Variants in DNAH9 observed in about 807,000 individuals in gnomAD.
DNAH9 encodes the protein DNAH9 variant protein.
DNAH9 carries 345 observed loss-of-function variants against 471.6 expected under a neutral mutation model. That is an observed-to-expected ratio of 0.73 (90% confidence interval 0.67 to 0.80). The LOEUF is 0.80. Among genes scored for constraint, DNAH9 ranks in the 30% least tolerant of loss-of-function variants. The probability of loss-of-function intolerance (pLI) is 0.00; values close to 1 mark genes in which losing one functional copy is unlikely to be tolerated. For synonymous variants in DNAH9, 2,093 were observed against 2,123.6 expected (o/e 0.99, Z 0.40); for missense variants, 5,407 against 5,609.2 (o/e 0.96, Z 1.15).
chr17:11,654,377 A>AAAAAAAAAAAAAAAG lies in DNAH9; in HGVS notation c.2595+1376_2595+1377insAAAAAAAAAAAAAGA, dbSNP rs2073589403. On this transcript the variant is annotated intron_variant, in intron 14 of 68. Coordinates refer to ENST00000262442, the MANE Select transcript of DNAH9 (RefSeq NM_001372.4). ...TCTCAAAAAAAAAAAAAAAAAAAAAAAGTTTAAAATCGATCTATCATCCAT... is the reference window on the plus strand; with the variant it reads ...TCTCAAAAAAAAAAAAAAAAAAAAAAAAAAAAAAAAAAAAGAGTTTAAAATCGATCTATCATCCAT... Among the ~76,000 whole-genome samples the AAAAAAAAAAAAAAAG allele has an allele frequency of 1.4e-5, 2 of 143,166 alleles. 1 individual carries two copies. The highest frequency in any genetic ancestry group is 3.1e-5 in the Non-Finnish European group (2 of 65,484). The allele number at this position is 143,166 out of a possible 152,430, so 93.9% of individuals were successfully genotyped here.
intron 38 of DNAH9, among the ~76,000 whole-genome samples, chr17:11,774,641 G>C (rs1008045278): frequency 2.1e-4 from 32 of 152,166 alleles, no homozygotes; most frequent in African/African-American, 7.5e-4. Context: ...GGTAGGACAC[G>C]TAGGGATTAT....
chr17:11,727,786 T>C (rs374978682), intron 27 of DNAH9, 32 bp from the exon 28 acceptor site: 9 of 1,467,792 alleles, frequency 6.1e-6, no homozygotes, highest in Non-Finnish European at 8.6e-6. Context: ...CCTGGCCCGT[T>C]GGTAATTTAA....
intron 44 of DNAH9, 86 bp downstream of exon 44, chr17:11,807,980 C>G: frequency 1.4e-6 from 2 of 1,418,996 alleles, no homozygotes; most frequent in Non-Finnish European, 1.9e-6. Flanking sequence ...TTCTCCAGTT[C>G]CCCTGTCTGG....
At chr17:11,645,835 G>A (rs1001159266) in intron 11 of DNAH9, among the ~76,000 whole-genome samples, 2 of 149,342 alleles carry the variant, frequency 1.3e-5, no homozygotes, top group African/African-American at 2.5e-5. Flanking sequence ...TTCCACCTCT[G>A]CTATTAGGTG....
At chr17:11,679,499 C>T (rs2074098539) in intron 17 of DNAH9, among the ~76,000 whole-genome samples, 1 of 152,242 alleles carries the variant, frequency 6.6e-6, no homozygotes, top group South Asian at 2.1e-4. Flanking sequence ...TCACACATTA[C>T]ATTTAGATGT....
chr17:11,611,811 G>T, intron 4 of DNAH9, 31 bp downstream of exon 4: 4 of 1,612,052 alleles, frequency 2.5e-6, no homozygotes, highest in Non-Finnish European at 3.4e-6. Context: ...TCACAAATGT[G>T]TTTGACTCAA....
At chr17:11,926,083 C>T (rs920135711) in intron 62 of DNAH9, among the ~76,000 whole-genome samples, 4 of 121,676 alleles carry the variant, frequency 3.3e-5, no homozygotes, top group Admixed American at 1.9e-4. Context: ...GAGGAATACA[C>T]TTAACAAATT....
chr17:11,735,371 A>G (rs966021196), intron 28 of DNAH9, among the ~76,000 whole-genome samples: 4 of 152,058 alleles, frequency 2.6e-5, no homozygotes, highest in African/African-American at 9.7e-5. Flanking sequence ...TTGCAAACTC[A>G]TTCCCAGTTG....
chr17:11,644,580 TACTTTA>T (rs2073343526), intron 10 of DNAH9, 45 bp from the exon 11 acceptor site: 3 of 1,354,854 alleles, frequency 2.2e-6, no homozygotes, highest in South Asian at 1.2e-5. Flanking sequence ...CTCGGATTAT[TACTTTA>T]ACTTCTTCTA....
chr17:11,651,022 T>C (rs1419625498), intron 12 of DNAH9, 47 bp from the exon 13 acceptor site: 6 of 1,588,146 alleles, frequency 3.8e-6, no homozygotes, highest in Middle Eastern at 1.9e-4. Context: ...CTGCAGATTA[T>C]TCATTATCAC....
Position 11,952,139 on chromosome 17 carries a change from CTTTT to C in DNAH9, c.12843+9671_12843+9674del, listed in dbSNP as rs71142258. On this transcript the variant is annotated intron_variant, in intron 67 of 68. Coordinates refer to ENST00000262442, the MANE Select transcript of DNAH9 (RefSeq NM_001372.4). ...GTATGTTTTTGCCAAAGCTATATTA[CTTTT>C]TTTTTTTTTTTTTTTTGACAGAGTC... Among the ~76,000 whole-genome samples the C allele has an allele frequency of 1.8e-3, 184 of 101,966 alleles. 1 individual carries two copies. In the East Asian group the frequency reaches 0.039, roughly 22 times the overall value. The allele number at this position is 101,966 out of a possible 152,430, so 66.9% of individuals were successfully genotyped here.
chr17:11,753,272 C>T (rs563149179), intron 33 of DNAH9, among the ~76,000 whole-genome samples: 4 of 152,284 alleles, frequency 2.6e-5, no homozygotes, highest in East Asian at 3.9e-4. Flanking sequence ...CATCTTTTTA[C>T]TTTTTCTTTT....
chr17:11,939,874 T>C (rs1308596002), intron 66 of DNAH9, among the ~76,000 whole-genome samples: 1 of 150,508 alleles, frequency 6.6e-6, no homozygotes, highest in East Asian at 1.9e-4. Context: ...GATGGATAGA[T>C]AATTGATGGA....
intron 61 of DNAH9, among the ~76,000 whole-genome samples, chr17:11,923,359 A>T (rs1044193039): frequency 2.9e-5 from 4 of 140,296 alleles, no homozygotes; most frequent in African/African-American, 1.1e-4. Context: ...GGATTACAGG[A>T]GTGAGCCAGT....
At chr17:11,913,469 A>G (rs1973850295) in intron 61 of DNAH9, among the ~76,000 whole-genome samples, 1 of 152,072 alleles carries the variant, frequency 6.6e-6, no homozygotes, top group South Asian at 2.1e-4. Flanking sequence ...TGGGTATGTT[A>G]TAACTAAATG....
chr17:11,662,853 T>A (rs2073797521), intron 14 of DNAH9, among the ~76,000 whole-genome samples: 1 of 145,500 alleles, frequency 6.9e-6, no homozygotes, highest in African/African-American at 2.5e-5. Flanking sequence ...CCTCCCGGGT[T>A]CACGCCATTC....
rs1210861728 is a variant in DNAH9, at chr17:11,598,783, G to A, written c.285G>A (p.Leu95=). 5.4e-6 allele frequency: 8 copies of A among 1,472,006 alleles called. No individual in the cohort carries two copies. The highest frequency in any genetic ancestry group is 7.2e-6 in the Non-Finnish European group (8 of 1,115,486). 91.2% of individuals were successfully genotyped at this position (1,472,006 alleles called of 1,614,324 possible). Residue 95 remains leucine (L), a synonymous_variant, in exon 1 of 69, where the codon CTG becomes CTA. Coordinates refer to ENST00000262442, the MANE Select transcript of DNAH9 (RefSeq NM_001372.4). The stretch of plus-strand genomic sequence containing the variant: ...TGGAGGTGGGACCTGAGTCGGGCCT[G>A]GCTGGCGCTAAGGCGCTTTTTTTCC... The part of the protein sequence containing the change: ...PGLEVGPESG[L]AGAKALFFLR...
intron 36 of DNAH9, among the ~76,000 whole-genome samples, chr17:11,765,804 A>G (rs998675461): frequency 6.6e-6 from 1 of 152,214 alleles, no homozygotes; most frequent in Non-Finnish European, 1.5e-5. Flanking sequence ...AACTGCACAG[A>G]GATCCCGAAT....
Position 11,823,047 on chromosome 17 carries a change from C to A in DNAH9, c.9246+13C>A. 1 of 1,598,922 alleles carries A rather than the reference C, an allele frequency of 6.3e-7. No homozygotes were observed. The highest frequency in any genetic ancestry group is 1.3e-5 in the African/African-American group (1 of 74,784). On this transcript the variant is annotated intron_variant, in intron 48 of 68. Coordinates refer to ENST00000262442, the MANE Select transcript of DNAH9 (RefSeq NM_001372.4). ...CACCTCTGCCCAGGTGAGCAATGTCCCGCTCCTTCCACCTGCAGGGGACTT... is the reference window on the plus strand; with the variant it reads ...CACCTCTGCCCAGGTGAGCAATGTCACGCTCCTTCCACCTGCAGGGGACTT...
Sources: allele counts gnomAD v4.1 joint callset (sites outside exome capture counted in the v4.1 genomes callset), GRCh38; gene constraint gnomAD v4.1.1; transcripts MANE v1.5; gene names NCBI Gene and HGNC (gene_info 2026-07-23, HGNC 2026-07-21).